PHACTR3: variants seen among roughly 807,000 people sequenced by gnomAD.
The protein encoded by PHACTR3 is phosphatase and actin regulator 3.
A neutral mutation model predicts 66.8 loss-of-function variants in PHACTR3; 16 were observed. The ratio of observed to expected loss-of-function variants is 0.24; its 90% CI spans 0.16 to 0.36. The LOEUF is 0.36. Ranked by LOEUF, PHACTR3 falls within the 10% of genes least tolerant of loss-of-function variation. The pLI, the probability that PHACTR3 is intolerant of heterozygous loss-of-function variation, is 1.00. For synonymous variants in PHACTR3, 323 were observed against 292.1 expected (o/e 1.11, Z -1.08); for missense variants, 647 against 719.9 (o/e 0.90, Z 1.16).
At chr20:59,633,184 A>G (rs2034727060) in intron 1 of PHACTR3, among the ~76,000 whole-genome samples, 2 of 152,242 alleles carry the variant, frequency 1.3e-5, no homozygotes, top group African/African-American at 2.4e-5. Context: ...AAATCATTCT[A>G]TAAAGACATA....
At chr20:59,693,203 C>T (rs1055575798) in intron 1 of PHACTR3, among the ~76,000 whole-genome samples, 1 of 152,112 alleles carries the variant, frequency 6.6e-6, no homozygotes, top group African/African-American at 2.4e-5. Flanking sequence ...GAATAAGCAT[C>T]GGCGTCTGGC....
At chr20:59,663,468 C>A (rs1052777238) in intron 1 of PHACTR3, among the ~76,000 whole-genome samples, 9 of 152,164 alleles carry the variant, frequency 5.9e-5, no homozygotes, top group African/African-American at 2.2e-4. Flanking sequence ...TAGTGAGGCC[C>A]CCAGTTCTTT....
chr20:59,586,880 T>C (rs1484063465), intron 1 of PHACTR3, among the ~76,000 whole-genome samples: 1 of 152,208 alleles, frequency 6.6e-6, no homozygotes, highest in South Asian at 2.1e-4. Context: ...AGGTCACAGC[T>C]GCTGAGCCGA....
chr20:59,605,162 G>GGGGGGGC, intron 1 of PHACTR3, 30 bp downstream of exon 1: 2 of 923,116 alleles, frequency 2.2e-6, no homozygotes, highest in Non-Finnish European at 3.0e-6. Context: ...CGGCGGGCGG[G>GGGGGGGC]TCGGGGAGGC....
At chr20:59,737,977 G>A (rs1013686637) in intron 1 of PHACTR3, among the ~76,000 whole-genome samples, 1 of 152,130 alleles carries the variant, frequency 6.6e-6, no homozygotes, top group African/African-American at 2.4e-5. Context: ...CCCAGAACCT[G>A]CTCCAGCCAC....
At chr20:59,690,461 G>T (rs2037069782) in intron 1 of PHACTR3, among the ~76,000 whole-genome samples, 1 of 152,184 alleles carries the variant, frequency 6.6e-6, no homozygotes, top group African/African-American at 2.4e-5. Flanking sequence ...CTACTGGATT[G>T]TCAACTTCCT....
At chr20:59,592,283 A>G (rs1049521479) in intron 1 of PHACTR3, among the ~76,000 whole-genome samples, 5 of 152,074 alleles carry the variant, frequency 3.3e-5, no homozygotes, top group African/African-American at 1.2e-4. Flanking sequence ...GTATTTCTAA[A>G]CCATGACCTT....
chr20:59,709,591 TAA>T (rs2037838839), intron 1 of PHACTR3, among the ~76,000 whole-genome samples: 1 of 152,248 alleles, frequency 6.6e-6, no homozygotes, highest in South Asian at 2.1e-4. Context: ...TATTATTGAA[TAA>T]AGAGAGTAGT....
chr20:59,631,181 G>A (rs778598529), intron 1 of PHACTR3, among the ~76,000 whole-genome samples: 5 of 152,340 alleles, frequency 3.3e-5, no homozygotes, highest in Non-Finnish European at 5.9e-5. Context: ...CCATCTTAGG[G>A]GCCCTTGGTT....
intron 1 of PHACTR3, among the ~76,000 whole-genome samples, chr20:59,682,569 A>T (rs908265174): frequency 1.3e-5 from 2 of 152,152 alleles, no homozygotes; most frequent in Non-Finnish European, 2.9e-5. Flanking sequence ...AATGAACAGG[A>T]GAAGTAGGGG....
intron 7 of PHACTR3, among the ~76,000 whole-genome samples, chr20:59,784,036 C>T (rs560576992): frequency 6.6e-6 from 1 of 152,316 alleles, no homozygotes; most frequent in Non-Finnish European, 1.5e-5. Context: ...AAATGCTAGT[C>T]TGCATGTTGC....
At chr20:59,677,456 A>T (rs2036488680) in intron 1 of PHACTR3, among the ~76,000 whole-genome samples, 1 of 152,130 alleles carries the variant, frequency 6.6e-6, no homozygotes. Flanking sequence ...GTGAAGTTGG[A>T]TGTCTGGAGT....
chr20:59,642,109 G>A (rs1187055112), intron 1 of PHACTR3, among the ~76,000 whole-genome samples: 6 of 152,164 alleles, frequency 3.9e-5, no homozygotes, highest in Admixed American at 2.6e-4. Context: ...GTGGAGGTCC[G>A]GATGTAGAGA....
chr20:59,620,047 T>A (rs2034177564), intron 1 of PHACTR3, among the ~76,000 whole-genome samples: 1 of 152,160 alleles, frequency 6.6e-6, no homozygotes, highest in African/African-American at 2.4e-5. Flanking sequence ...TCCGAGGCCC[T>A]CCCTGGCTTC....
At chr20:59,716,914 G>C (rs1433015161) in intron 1 of PHACTR3, among the ~76,000 whole-genome samples, 1 of 152,164 alleles carries the variant, frequency 6.6e-6, no homozygotes, top group Admixed American at 6.5e-5. Context: ...ACGCAAGCGT[G>C]GGTGAAGGCT....
At chr20:59,804,563 C>G (rs2041508549) in intron 7 of PHACTR3, among the ~76,000 whole-genome samples, 1 of 152,194 alleles carries the variant, frequency 6.6e-6, no homozygotes, top group Non-Finnish European at 1.5e-5. Context: ...CGCATTCAGT[C>G]TCTCTCATAA....
At chr20:59,722,089 G>A (rs1474907173) in intron 1 of PHACTR3, among the ~76,000 whole-genome samples, 1 of 152,098 alleles carries the variant, frequency 6.6e-6, no homozygotes, top group Non-Finnish European at 1.5e-5. Flanking sequence ...AAAATTAGCC[G>A]GGTGTGGTGG....
intron 1 of PHACTR3, among the ~76,000 whole-genome samples, chr20:59,650,740 C>CAAA (rs34879994): frequency 5.5e-4 from 34 of 61,400 alleles, no homozygotes; most frequent in Admixed American, 1.3e-3. Flanking sequence ...GCGTTGATAG[C>CAAA]AAAAAAAAAA....
intron 1 of PHACTR3, among the ~76,000 whole-genome samples, chr20:59,721,912 A>G (rs113727553): frequency 0.023 from 3,421 of 151,392 alleles, 61 homozygotes; most frequent in Middle Eastern, 0.041. Flanking sequence ...AGACGACGTC[A>G]AAGAGTGACA....
Sources: allele counts gnomAD v4.1 joint callset (sites outside exome capture counted in the v4.1 genomes callset), GRCh38; gene constraint gnomAD v4.1.1; transcripts MANE v1.5; gene names NCBI Gene and HGNC (gene_info 2026-07-23, HGNC 2026-07-21).